PTPRM: variants seen among roughly 807,000 people sequenced by gnomAD.
PTPRM encodes protein tyrosine phosphatase receptor type M, also known as receptor-type tyrosine-protein phosphatase mu.
In PTPRM, 47 loss-of-function variants were observed where a neutral mutation model predicts 186.7. The ratio of observed to expected loss-of-function variants is 0.25; its 90% CI spans 0.20 to 0.32. The LOEUF is 0.32. PTPRM is among the 10% of genes least tolerant of loss of function. The pLI, the probability that PTPRM is intolerant of heterozygous loss-of-function variation, is 1.00. For synonymous variants in PTPRM, 668 were observed against 674.9 expected (o/e 0.99, Z 0.16); for missense variants, 1,494 against 1,865.0 (o/e 0.80, Z 3.66).
intron 1 of PTPRM, among the ~76,000 whole-genome samples, chr18:7,578,600 G>T (rs1359849083): frequency 5.9e-5 from 9 of 151,734 alleles, no homozygotes; most frequent in Non-Finnish European, 8.8e-5. Flanking sequence ...CTCCCAAAGT[G>T]CTGGGATTAC....
At chr18:8,212,755 T>C (rs1378595931) in intron 14 of PTPRM, among the ~76,000 whole-genome samples, 1 of 152,212 alleles carries the variant, frequency 6.6e-6, no homozygotes, top group Non-Finnish European at 1.5e-5. Flanking sequence ...TTCAGTGAGC[T>C]ATGACTGACC....
chr18:8,052,655 T>A (rs1473760552), intron 7 of PTPRM, among the ~76,000 whole-genome samples: 1 of 152,194 alleles, frequency 6.6e-6, no homozygotes, highest in African/African-American at 2.4e-5. Flanking sequence ...TTTGAAAATC[T>A]GCCAGGTTAT....
chr18:7,841,335 A>G (rs1467798731), intron 2 of PTPRM, among the ~76,000 whole-genome samples: 1 of 118,642 alleles, frequency 8.4e-6, no homozygotes, highest in Non-Finnish European at 1.6e-5. Flanking sequence ...TCTGTCACCC[A>G]GGCTAGAGTG....
At chr18:7,826,748 T>A (rs1158594960) in intron 2 of PTPRM, among the ~76,000 whole-genome samples, 1 of 152,230 alleles carries the variant, frequency 6.6e-6, no homozygotes, top group East Asian at 1.9e-4. Context: ...TTTGTTGTGT[T>A]TCCTTTTACC....
intron 1 of PTPRM, among the ~76,000 whole-genome samples, chr18:7,727,889 T>C (rs1369075470): frequency 6.6e-6 from 1 of 152,222 alleles, no homozygotes; most frequent in Non-Finnish European, 1.5e-5. Flanking sequence ...ACAAATGTTA[T>C]CTCATGTAAT....
At chr18:7,610,212 T>A (rs1279504523) in intron 1 of PTPRM, among the ~76,000 whole-genome samples, 2 of 152,148 alleles carry the variant, frequency 1.3e-5, no homozygotes, top group Non-Finnish European at 2.9e-5. Flanking sequence ...ACAACTTATT[T>A]GATAGGAATT....
chr18:8,215,545 C>CTT (rs11334182), intron 14 of PTPRM, among the ~76,000 whole-genome samples: 92 of 116,286 alleles, frequency 7.9e-4, no homozygotes, highest in East Asian at 1.0e-3. Context: ...TCTTTCTTTT[C>CTT]TTTTTTTTTT....
At chr18:7,627,664 G>A (rs951733048) in intron 1 of PTPRM, among the ~76,000 whole-genome samples, 2 of 152,160 alleles carry the variant, frequency 1.3e-5, no homozygotes, top group Non-Finnish European at 2.9e-5. Flanking sequence ...GAGAAAATTC[G>A]GCGGGCACCA....
At position 8,023,866 on chromosome 18, in the gene PTPRM, A is replaced by ACG. The variant is rs1254913370; in HGVS notation, c.1133-45819_1133-45818insGC. ...CACACACACACACACACACACACACACACACGCACACCCCTCCTATGAATG... is the reference window on the plus strand; with the variant it reads ...CACACACACACACACACACACACACACGCACACGCACACCCCTCCTATGAATG... On this transcript the variant is annotated intron_variant, in intron 7 of 32. Transcript: ENST00000580170. 3.4e-3 allele frequency among the ~76,000 whole-genome samples: 498 copies of ACG among 145,108 alleles called. 2 individuals are homozygous for ACG. Among genetic ancestry groups the ACG allele is most frequent in the Non-Finnish European group, 3.9e-3 (255 of 65,196 alleles).
At chr18:7,968,555 G>A (rs1373444532) in intron 7 of PTPRM, among the ~76,000 whole-genome samples, 3 of 40,748 alleles carry the variant, frequency 7.4e-5, no homozygotes, top group African/African-American at 3.6e-4. Context: ...CTGTATTCAG[G>A]AAACCCATCT....
intron 5 of PTPRM, among the ~76,000 whole-genome samples, chr18:7,944,206 G>A (rs2052371339): frequency 6.6e-6 from 1 of 152,074 alleles, no homozygotes; most frequent in South Asian, 2.1e-4. Flanking sequence ...TTGTGCACCT[G>A]GGTACACAAA....
rs1288256358 is a variant in PTPRM at position 7,888,485 on chromosome 18, C to G, written c.468+108C>G. ...GAAAAGGTTGTTGTATTTTTGTTGG[C>G]AAGGTTGTGGAGAAAGGGGAACTCT... is the stretch of plus-strand genomic sequence containing the variant. On this transcript the variant is annotated intron_variant, in intron 3 of 32. Coordinates refer to ENST00000580170, the MANE Select transcript of PTPRM (RefSeq NM_001105244.2). 3 of 1,310,016 alleles carry G rather than the reference C, an allele frequency of 2.3e-6. No individual in the cohort carries two copies. The African/African-American group carries it at 4.5e-5, about 20-fold the overall frequency. 81.1% of individuals were successfully genotyped at this position (1,310,016 alleles called of 1,614,324 possible).
At chr18:7,900,641 G>T (rs2049617154) in intron 3 of PTPRM, among the ~76,000 whole-genome samples, 1 of 152,186 alleles carries the variant, frequency 6.6e-6, no homozygotes, top group African/African-American at 2.4e-5. Context: ...AACATGAAAA[G>T]AGTCCAGACT....
chr18:8,135,667 TTG>T (rs2092621065), intron 13 of PTPRM, among the ~76,000 whole-genome samples: 1 of 152,194 alleles, frequency 6.6e-6, no homozygotes, highest in Admixed American at 6.5e-5. Context: ...TGAGGAACTA[TTG>T]TGTGTTTACT....
At chr18:7,989,910 C>T (rs1279153190) in intron 7 of PTPRM, among the ~76,000 whole-genome samples, 1 of 152,004 alleles carries the variant, frequency 6.6e-6, no homozygotes, top group African/African-American at 2.4e-5. Flanking sequence ...CCTTCTTCTT[C>T]TTTTTATTCT....
rs748288400 is a variant in PTPRM, at chr18:8,376,444, AC to A, written c.3327-12del. ...GTGGTCCTTCTTCCTCCACTGACAG[AC>A]CCCCCTTTTCATTCAGTGCTGGTGC... On this transcript the variant is annotated splice_polypyrimidine_tract_variant and intron_variant, in intron 25 of 32. Transcript: ENST00000580170. The A allele has an allele frequency of 4.3e-6, 7 of 1,613,696 alleles. No homozygotes were observed. In the Admixed American group the frequency reaches 5.0e-5, roughly 12 times the overall value.
At chr18:8,211,833 G>A (rs1377167089) in intron 14 of PTPRM, among the ~76,000 whole-genome samples, 7 of 152,162 alleles carry the variant, frequency 4.6e-5, no homozygotes, top group Non-Finnish European at 1.5e-5. Context: ...TGGAAACGAA[G>A]GGTGAATGGA....
At chr18:7,911,733 A>G (rs1221630453) in intron 4 of PTPRM, among the ~76,000 whole-genome samples, 3 of 143,502 alleles carry the variant, frequency 2.1e-5, no homozygotes, top group South Asian at 4.5e-4. Context: ...ATAAAGTCCA[A>G]TTTTCTGTTT....
chr18:8,339,457 CT>C (rs1448695141), intron 22 of PTPRM, among the ~76,000 whole-genome samples: 1 of 152,164 alleles, frequency 6.6e-6, no homozygotes, highest in Admixed American at 6.5e-5. Flanking sequence ...CAGCCAGAAA[CT>C]GCGGAAATCA....
Sources: gnomAD v4.1 joint callset for allele counts (sites outside exome capture counted in the v4.1 genomes callset) on GRCh38, gnomAD v4.1.1 for gene constraint, MANE v1.5 for transcripts, NCBI Gene and HGNC (gene_info 2026-07-23, HGNC 2026-07-21) for gene names.